The following SYNJ2BP variants were observed in gnomAD, a reference collection of about 807,000 sequenced individuals.
SYNJ2BP encodes the protein synaptojanin-2-binding protein.
SYNJ2BP carries 10 observed loss-of-function variants against 16.9 expected under a neutral mutation model. The observed-to-expected ratio is 0.59, with a 90% CI of 0.36 to 1.00. SYNJ2BP has a LOEUF of 1.00. Among genes scored for constraint, SYNJ2BP ranks in the 50% least tolerant of loss-of-function variants. The pLI, the probability that SYNJ2BP is intolerant of heterozygous loss-of-function variation, is 0.01. For synonymous variants in SYNJ2BP, 54 were observed against 68.4 expected, an observed-to-expected ratio of 0.79 and a Z score of 1.04; for missense variants, 162 against 186.7, an observed-to-expected ratio of 0.87 and a Z score of 0.77.
intron 1 of SYNJ2BP, among the ~76,000 whole-genome samples, chr14:70,401,175 G>GA (rs535436445): frequency 3.5e-3 from 528 of 150,610 alleles, no homozygotes; most frequent in Non-Finnish European, 5.9e-3. Context: ...GCACAAGAGG[G>GA]AAAAAAAAAG....
rs930457157 is a variant in SYNJ2BP at position 70,388,736 on chromosome 14, A to G, written c.65-130T>C. On this transcript the variant is annotated intron_variant, in intron 1 of 3. Transcript: ENST00000256366. Reference sequence around the variant, plus strand: ...GATGGAGAGGAGATGCTGGCGAGTCAGCCTGTGATGGAGCTGGTGAATGGT... The same window carrying G: ...GATGGAGAGGAGATGCTGGCGAGTCGGCCTGTGATGGAGCTGGTGAATGGT... 3.8e-6 allele frequency: 5 copies of G among 1,308,418 alleles called. No homozygotes were observed. The Admixed American group carries it at 1.8e-4, about 48-fold the overall frequency. 81.1% of individuals were successfully genotyped at this position (1,308,418 alleles called of 1,614,324 possible). A position where few individuals can be genotyped will look rare whatever the true frequency, so the allele number is the denominator to read the frequency against.
chr14:70,412,582 A>ATATATATGTATGTATAGTATATATACAG (rs1888507259), intron 1 of SYNJ2BP, among the ~76,000 whole-genome samples: 8 of 138,556 alleles, frequency 5.8e-5, no homozygotes, highest in Non-Finnish European at 8.2e-5. Context: ...TATATACAGT[A>ATATATATGTATGTATAGTATATATACAG]TATATATGTA....
intron 1 of SYNJ2BP, among the ~76,000 whole-genome samples, chr14:70,404,363 T>A (rs1594958703): frequency 6.6e-6 from 1 of 152,158 alleles, no homozygotes; most frequent in African/African-American, 2.4e-5. Flanking sequence ...CTTTTAAAAA[T>A]GAATAAATTA....
chr14:70,388,485 A>G lies in SYNJ2BP; in HGVS notation c.186T>C (p.Gly62=), dbSNP rs1239830026. 4.4e-6 allele frequency: 7 copies of G among 1,575,896 alleles called. No homozygotes were observed. Among genetic ancestry groups the G allele is most frequent in the Non-Finnish European group, 6.0e-6 (7 of 1,163,684 alleles). Residue 62 remains glycine, a synonymous_variant, in exon 2 of 4, where the codon GGT becomes GGC. Transcript: ENST00000256366. ...AAALDGRLQE[G]DKILSVNGQD... is the part of the protein sequence containing the mutation. ...CCATTCTCACCGAAAGGATCTTATC[A>G]CCCTCCTGGAGCCGCCCATCCAGGG...
rs370981024 is a variant in SYNJ2BP at position 70,393,516 on chromosome 14, A to G, written c.65-4910T>C. Among the ~76,000 whole-genome samples, 38 of 152,360 alleles carry G rather than the reference A, an allele frequency of 2.5e-4. 2 individuals are homozygous for G. In the South Asian group the frequency reaches 7.5e-3, roughly 30 times the overall value. On this transcript the variant is annotated intron_variant, in intron 1 of 3. Transcript: ENST00000256366. The stretch of plus-strand genomic sequence containing the variant: ...ACACAGGCACACATATGTTTACTGC[A>G]GCACTGTTTACAATAGCAAAGACTT...
chr14:70,402,568 C>G (rs1888262641), intron 1 of SYNJ2BP, among the ~76,000 whole-genome samples: 1 of 151,664 alleles, frequency 6.6e-6, no homozygotes, highest in Admixed American at 6.6e-5. Flanking sequence ...ACTGGGACAA[C>G]AGGTGGTGCA....
At position 70,394,248 on chromosome 14, in the gene SYNJ2BP, G is replaced by A. The variant is rs145858439; in HGVS notation, c.65-5642C>T. On this transcript the variant is annotated intron_variant, in intron 1 of 3. Transcript: ENST00000256366. The stretch of plus-strand genomic sequence containing the variant: ...TTACAAAAATGCATGCATATTTAAA[G>A]AAATATAAAGACACATTAGAGTGGG... Among the ~76,000 whole-genome samples, 320 of 152,094 alleles carry A rather than the reference G, an allele frequency of 2.1e-3. 1 individual carries two copies. The highest frequency in any genetic ancestry group is 7.2e-3 in the African/African-American group (299 of 41,518).
intron 2 of SYNJ2BP, among the ~76,000 whole-genome samples, chr14:70,383,003 G>T (rs1427115006): frequency 6.6e-6 from 1 of 152,116 alleles, no homozygotes; most frequent in Non-Finnish European, 1.5e-5. Context: ...ATATACTCTG[G>T]ATATTGTAAT....
intron 1 of SYNJ2BP, among the ~76,000 whole-genome samples, chr14:70,412,882 G>A (rs1566626590): frequency 6.6e-6 from 1 of 152,030 alleles, no homozygotes; most frequent in Admixed American, 6.5e-5. Context: ...ACCTGTTGCA[G>A]TGCAAAAAAA....
intron 1 of SYNJ2BP, among the ~76,000 whole-genome samples, chr14:70,410,294 C>T (rs1372475038): frequency 2.0e-5 from 3 of 152,092 alleles, no homozygotes; most frequent in Non-Finnish European, 4.4e-5. Flanking sequence ...TGTGGTGACA[C>T]ACACCTGTAG....
rs1887512277 is a variant in SYNJ2BP, at chr14:70,371,238, A to G, written c.*1753T>C. The G allele has an allele frequency of 6.6e-6, 1 of 152,216 alleles. No individual in the cohort carries two copies. Among genetic ancestry groups the G allele is most frequent in the Non-Finnish European group, 1.5e-5 (1 of 68,044 alleles). 9.4% of individuals were successfully genotyped at this position (152,216 alleles called of 1,614,324 possible). A position where few individuals can be genotyped will look rare whatever the true frequency, so the allele number is the denominator to read the frequency against. On this transcript the variant is annotated 3_prime_UTR_variant, in exon 4 of 4. Transcript: ENST00000256366. ...ACAGGATGGTTCCCACCTTATCGAG[A>G]TCACTGGCATTCCATAGTATCCATT...
intron 2 of SYNJ2BP, among the ~76,000 whole-genome samples, chr14:70,379,661 G>A (rs553697822): frequency 6.6e-6 from 1 of 152,246 alleles, no homozygotes; most frequent in South Asian, 2.1e-4. Context: ...AAGAACTTCA[G>A]GATTTCTATA....
In SYNJ2BP at chr14:70,388,558, T is replaced by C. The variant is rs759505668; in HGVS notation, c.113A>G (p.Asn38Ser). The change falls in exon 2 of 4, where the codon AAC becomes AGC. Residue 38 changes from asparagine (N) to serine (S), a missense_variant. Physicochemically the swap from Asn to Ser is conservative, Grantham distance 46. Coordinates refer to ENST00000256366, the MANE Select transcript of SYNJ2BP (RefSeq NM_018373.3). The stretch of plus-strand genomic sequence containing the variant: ...GCGGCTGACGTAGATGCCACTGTCG[T>C]TGGAGACATACTGCTGATCTGTCCC... ...VGGTDQQYVS[N>S]DSGIYVSRIK... The C allele has an allele frequency of 6.3e-7, 1 of 1,598,128 alleles. No individual in the cohort carries two copies. Among genetic ancestry groups the C allele is most frequent in the South Asian group, 1.1e-5 (1 of 88,112 alleles).
chr14:70,413,015 GA>G (rs1290955712), intron 1 of SYNJ2BP, among the ~76,000 whole-genome samples: 2 of 151,982 alleles, frequency 1.3e-5, no homozygotes, highest in Admixed American at 1.3e-4. Flanking sequence ...GACTCCTGTA[GA>G]AAAAAACAAG....
At chr14:70,397,465 T>C (rs558824087) in intron 1 of SYNJ2BP, among the ~76,000 whole-genome samples, 1 of 152,332 alleles carries the variant, frequency 6.6e-6, no homozygotes, top group South Asian at 2.1e-4. Flanking sequence ...TCTGTTGTTT[T>C]GTTATGGGAA....
chr14:70,384,483 C>T (rs528563738), intron 2 of SYNJ2BP, among the ~76,000 whole-genome samples: 3 of 35,494 alleles, frequency 8.5e-5, no homozygotes, highest in East Asian at 3.0e-3. Flanking sequence ...AGAGGGAATA[C>T]GATGTCACGG....
chr14:70,408,461 AGGAGTTAGAAACCAGCC>A (rs1359044343), intron 1 of SYNJ2BP, among the ~76,000 whole-genome samples: 1 of 152,160 alleles, frequency 6.6e-6, no homozygotes, highest in Non-Finnish European at 1.5e-5. Context: ...ACCTGAGATC[AGGAGTTAGAAACCAGCC>A]TGGCCAACAT....
chr14:70,379,978 T>TATGG (rs1887712662), intron 2 of SYNJ2BP, among the ~76,000 whole-genome samples: 2 of 152,162 alleles, frequency 1.3e-5, no homozygotes, highest in East Asian at 3.8e-4. Flanking sequence ...CTTAAAATAA[T>TATGG]CTTTGCCATA....
chr14:70,415,365 G>C (rs960228316), intron 1 of SYNJ2BP, among the ~76,000 whole-genome samples: 5 of 151,480 alleles, frequency 3.3e-5, no homozygotes, highest in Non-Finnish European at 7.4e-5. Context: ...CCTGGGCAAC[G>C]TAGTGAAACA....
Sources: gnomAD v4.1 joint callset for allele counts (sites outside exome capture counted in the v4.1 genomes callset) on GRCh38, gnomAD v4.1.1 for gene constraint, MANE v1.5 for transcripts, NCBI Gene and HGNC (gene_info 2026-07-23, HGNC 2026-07-21) for gene names.